The following CDRT4 variants were observed in gnomAD, a reference collection of about 807,000 sequenced individuals.
CDRT4 encodes CMT1A duplicated region transcript 4 protein.
For synonymous variants in CDRT4, 64 were observed against 69.6 expected (o/e 0.92, Z 0.40); for missense variants, 167 against 193.1 (o/e 0.87, Z 0.80).
chr17:15,452,744 G>C (rs1389227613), intron 2 of CDRT4: 2 of 152,238 alleles, frequency 1.3e-5, no homozygotes, highest in African/African-American at 4.8e-5. Flanking sequence ...GCTGGCCCAG[G>C]CCTCTAGGTG....
intron 2 of CDRT4, 141 bp from the exon 3 acceptor site, chr17:15,440,426 T>A (rs2954764): frequency 5.2e-6 from 5 of 970,138 alleles, no homozygotes; most frequent in Non-Finnish European, 7.5e-6. Flanking sequence ...AGAGGACATG[T>A]TTTTTGTGGA....
chr17:15,451,070 G>A (rs557673105), intron 2 of CDRT4, among the ~76,000 whole-genome samples: 15 of 152,210 alleles, frequency 9.9e-5, no homozygotes, highest in South Asian at 4.1e-4. Flanking sequence ...AACTTGAATC[G>A]TAGCTCCCAT....
At position 15,445,467 on chromosome 17, in the gene CDRT4, G is replaced by A. The variant is rs114957987; in HGVS notation, c.-47-5182C>T. On this transcript the variant is annotated intron_variant, in intron 2 of 3. Coordinates refer to ENST00000619038, the MANE Select transcript of CDRT4 (RefSeq NM_001204477.2). ...TCTGTAATTCTCCAAAAGGAAGACTGAATATGCAGCATCCCCTAATCTCAT... is the reference window on the plus strand; with the variant it reads ...TCTGTAATTCTCCAAAAGGAAGACTAAATATGCAGCATCCCCTAATCTCAT... Among the ~76,000 whole-genome samples the A allele has an allele frequency of 2.3e-3, 351 of 152,310 alleles. 2 individuals are homozygous for A. The highest frequency in any genetic ancestry group is 8.0e-3 in the African/African-American group (333 of 41,580).
At chr17:15,451,032 G>C (rs1979235605) in intron 2 of CDRT4, among the ~76,000 whole-genome samples, 1 of 152,102 alleles carries the variant, frequency 6.6e-6, no homozygotes, top group Non-Finnish European at 1.5e-5. Context: ...CCTATGATAT[G>C]ATTTGGCTAT....
intron 1 of CDRT4, among the ~76,000 whole-genome samples, chr17:15,466,336 G>A (rs7220828): frequency 0.025 from 3,758 of 152,286 alleles, 151 homozygotes; most frequent in African/African-American, 0.086. Flanking sequence ...TGGGGTGGGA[G>A]CCTGGGCGCT....
At chr17:15,444,579 G>A (rs554734493) in intron 2 of CDRT4, among the ~76,000 whole-genome samples, 4 of 152,222 alleles carry the variant, frequency 2.6e-5, no homozygotes, top group South Asian at 2.1e-4. Flanking sequence ...AGAACCGGGC[G>A]CGGTGGCTCA....
At chr17:15,441,030 G>A (rs1978733342) in intron 2 of CDRT4, among the ~76,000 whole-genome samples, 1 of 152,208 alleles carries the variant, frequency 6.6e-6, no homozygotes, top group Non-Finnish European at 1.5e-5. Context: ...ATGAGTCCAG[G>A]AGATCTTTTT....
intron 1 of CDRT4, among the ~76,000 whole-genome samples, chr17:15,462,906 C>G (rs559449926): frequency 6.6e-6 from 1 of 152,252 alleles, no homozygotes; most frequent in Admixed American, 6.5e-5. Flanking sequence ...TGAGTGTTCA[C>G]TTTAGACACA....
chr17:15,439,223 AG>A, intron 3 of CDRT4: 1 of 453,658 alleles, frequency 2.2e-6, no homozygotes, highest in South Asian at 1.6e-5. Context: ...GGAGTTTTGC[AG>A]GGAGGAGAGT....
rs188999148 is a variant in CDRT4 at position 15,464,162 on chromosome 17, C to T, written c.-130+3298G>A. Among the ~76,000 whole-genome samples, 17 of 152,152 alleles carry T rather than the reference C, an allele frequency of 1.1e-4. No individual in the cohort carries two copies. The highest frequency in any genetic ancestry group is 6.2e-4 in the South Asian group (3 of 4,828). On this transcript the variant is annotated intron_variant, in intron 1 of 3. Coordinates refer to ENST00000619038, the MANE Select transcript of CDRT4 (RefSeq NM_001204477.2). This position sits in a 1 kb window ranked among gnomAD's most constrained non-coding sequence, Gnocchi z 4.5. ...TGGGTAACTTATTAACCTCTCTGGC[C>T]GCGTTTTTCTCTGGTGATGTGTCAC...
In CDRT4 at chr17:15,437,673, A is replaced by G; in HGVS notation, c.*100T>C. The G allele has an allele frequency of 1.6e-6, 2 of 1,217,652 alleles. No homozygotes were observed. The highest frequency in any genetic ancestry group is 2.3e-6 in the Non-Finnish European group (2 of 863,650). 75.4% of individuals were successfully genotyped at this position (1,217,652 alleles called of 1,614,324 possible). A position where few individuals can be genotyped will look rare whatever the true frequency, so the allele number is the denominator to read the frequency against. On this transcript the variant is annotated 3_prime_UTR_variant, in exon 4 of 4. Transcript: ENST00000619038. Reference sequence around the variant, plus strand: ...AAGAGCAAGTTCAGATTTAAAGGACACTGTCAAGTGAGTGGTAAATGGAGC... The same window carrying G: ...AAGAGCAAGTTCAGATTTAAAGGACGCTGTCAAGTGAGTGGTAAATGGAGC...
At chr17:15,465,366 C>T (rs1462053126) in intron 1 of CDRT4, among the ~76,000 whole-genome samples, 1 of 146,672 alleles carries the variant, frequency 6.8e-6, no homozygotes, top group Non-Finnish European at 1.5e-5. Flanking sequence ...CCAGACACAC[C>T]AACACAGACA....
At chr17:15,440,136 T>C in intron 3 of CDRT4, 72 bp downstream of exon 3, 1 of 1,485,400 alleles carries the variant, frequency 6.7e-7, no homozygotes, top group Admixed American at 2.0e-5. Flanking sequence ...AGTGGCCTCT[T>C]CCCACTGCGA....
intron 2 of CDRT4, 123 bp from the exon 3 acceptor site, chr17:15,440,408 C>T (rs1358189532): frequency 2.7e-6 from 3 of 1,103,266 alleles, no homozygotes; most frequent in Admixed American, 2.3e-5. Context: ...TGACTCCACC[C>T]CCTGAGAAGA....
At chr17:15,449,765 T>C (rs1979183149) in intron 2 of CDRT4, among the ~76,000 whole-genome samples, 1 of 152,192 alleles carries the variant, frequency 6.6e-6, no homozygotes, top group Admixed American at 6.5e-5. Flanking sequence ...TTTATGTCCA[T>C]GTGTACACAT....
intron 2 of CDRT4, among the ~76,000 whole-genome samples, chr17:15,442,899 C>T (rs1435090089): frequency 6.6e-6 from 1 of 152,186 alleles, no homozygotes; most frequent in East Asian, 1.9e-4. Context: ...CCTTCAATTC[C>T]AGCACAAAGG....
At chr17:15,440,594 C>T (rs1978714650) in intron 2 of CDRT4, among the ~76,000 whole-genome samples, 1 of 151,868 alleles carries the variant, frequency 6.6e-6, no homozygotes, top group Admixed American at 6.6e-5. Context: ...GAGGCTGGTC[C>T]ACAGAGGGGA....
intron 1 of CDRT4, among the ~76,000 whole-genome samples, chr17:15,461,533 A>G (rs760538786): frequency 1.1e-4 from 16 of 152,166 alleles, no homozygotes; most frequent in Admixed American, 3.3e-4. Context: ...TCACCTAGAG[A>G]GCCTTTTAAA....
intron 2 of CDRT4, among the ~76,000 whole-genome samples, chr17:15,442,993 G>A (rs527304314): frequency 1.3e-5 from 2 of 152,330 alleles, no homozygotes; most frequent in Admixed American, 1.3e-4. Flanking sequence ...AGGAGGCAGA[G>A]CGTTGAAGCG....
Sources: allele counts gnomAD v4.1 joint callset (sites outside exome capture counted in the v4.1 genomes callset), GRCh38; gene constraint gnomAD v4.1.1; non-coding constraint Gnocchi (gnomAD v3.1); transcripts MANE v1.5; gene names NCBI Gene and HGNC (gene_info 2026-07-23, HGNC 2026-07-21).